TANC2: variants seen among roughly 807,000 people sequenced by gnomAD.
The protein encoded by TANC2 is tetratricopeptide repeat, ankyrin repeat and coiled-coil containing 2.
A neutral mutation model predicts 210.5 loss-of-function variants in TANC2; 26 were observed. The observed-to-expected ratio is 0.12, with a 90% confidence interval of 0.09 to 0.17. The LOEUF is 0.17. Among genes scored for constraint, TANC2 ranks in the 10% least tolerant of loss-of-function variants. TANC2 has a pLI of 1.00. For missense variants in TANC2, 2,129 were observed against 2,608.9 expected, an observed-to-expected ratio of 0.82 and a Z score of 4.01; for synonymous variants, 931 against 967.1, an observed-to-expected ratio of 0.96 and a Z score of 0.69.
chr17:63,172,315 GGGATTAC>G (rs2040431810), intron 5 of TANC2, among the ~76,000 whole-genome samples: 2 of 151,572 alleles, frequency 1.3e-5, no homozygotes, highest in African/African-American at 4.8e-5. Flanking sequence ...CTGAGTAGCT[GGGATTAC>G]AGGCGCCCGC....
chr17:63,339,154 T>C (rs1359065805), intron 11 of TANC2: 1 of 152,298 alleles, frequency 6.6e-6, no homozygotes, highest in Non-Finnish European at 1.5e-5. Context: ...AATGGCAGCA[T>C]CAGCTGACAT....
rs143324896 is a variant in TANC2 at position 63,334,662 on chromosome 17, C to CGT, written c.1576-5439_1576-5438insGT. The stretch of plus-strand genomic sequence containing the variant: ...GAAACAGGATTTGCATAGCCTCAAA[C>CGT]ATCTCCCTTAAGATATTTATTAACT... On this transcript the variant is annotated intron_variant, in intron 11 of 27. Transcript: ENST00000689528. Among the ~76,000 whole-genome samples the CGT allele has an allele frequency of 8.2e-3, 1,253 of 152,288 alleles. 13 individuals are homozygous for CGT. Among genetic ancestry groups the CGT allele is most frequent in the African/African-American group, 0.027 (1,136 of 41,568 alleles).
chr17:63,399,623 G>A (rs903924771), intron 19 of TANC2, among the ~76,000 whole-genome samples: 3 of 152,184 alleles, frequency 2.0e-5, no homozygotes. Context: ...CCAGGGCAAT[G>A]AAAACTGTAG....
At chr17:63,026,122 A>C (rs2034544883) in intron 2 of TANC2, among the ~76,000 whole-genome samples, 1 of 151,714 alleles carries the variant, frequency 6.6e-6, no homozygotes, top group South Asian at 2.1e-4. Context: ...TTGCCACCAG[A>C]TCTAAGACTC....
intron 17 of TANC2, among the ~76,000 whole-genome samples, chr17:63,395,483 T>G (rs1045459859): frequency 7.9e-5 from 12 of 152,138 alleles, no homozygotes; most frequent in African/African-American, 2.9e-4. Context: ...AGAGTTTTGG[T>G]TTTTGTTTTT....
intron 14 of TANC2, among the ~76,000 whole-genome samples, chr17:63,377,003 A>C (rs542071887): frequency 6.6e-6 from 1 of 152,158 alleles, no homozygotes; most frequent in East Asian, 1.9e-4. Context: ...ATTTTTACAA[A>C]ATGAGGCTTG....
At chr17:63,293,748 T>A (rs1388477042) in intron 9 of TANC2, among the ~76,000 whole-genome samples, 3 of 152,102 alleles carry the variant, frequency 2.0e-5, no homozygotes, top group African/African-American at 7.2e-5. Flanking sequence ...TTTTTTTGTT[T>A]TTGTTTTTTT....
intron 5 of TANC2, among the ~76,000 whole-genome samples, chr17:63,187,639 T>C (rs2145705537): frequency 6.6e-6 from 1 of 152,174 alleles, no homozygotes; most frequent in East Asian, 1.9e-4. Flanking sequence ...CTAAGTGTGA[T>C]GAAAACTATA....
chr17:63,371,515 T>C (rs2147021694), intron 14 of TANC2, among the ~76,000 whole-genome samples: 1 of 151,916 alleles, frequency 6.6e-6, no homozygotes, highest in East Asian at 1.9e-4. Context: ...CTCTGAAGCA[T>C]TAGAAGGTTG....
chr17:63,234,937 G>T (rs1518775), intron 7 of TANC2, among the ~76,000 whole-genome samples: 90,839 of 151,858 alleles, frequency 0.6, 29,676 homozygotes, highest in African/African-American at 0.86. Context: ...TGTATCTCAT[G>T]GTACAATTTA....
intron 12 of TANC2, among the ~76,000 whole-genome samples, chr17:63,349,303 G>A (rs2046520028): frequency 1.3e-5 from 2 of 152,154 alleles, no homozygotes; most frequent in African/African-American, 2.4e-5. Flanking sequence ...TCATTAAAAT[G>A]TCTGGACCAT....
chr17:62,970,385 T>TA (rs1322024438), intron 1 of TANC2, among the ~76,000 whole-genome samples: 1 of 152,238 alleles, frequency 6.6e-6, no homozygotes, highest in Non-Finnish European at 1.5e-5. Flanking sequence ...TTGTAAAACT[T>TA]AATTTGGTTT....
intron 1 of TANC2, among the ~76,000 whole-genome samples, chr17:63,004,503 A>G (rs1436954110): frequency 6.6e-6 from 1 of 151,944 alleles, no homozygotes; most frequent in Admixed American, 6.6e-5. Flanking sequence ...TCCTTACATC[A>G]ATCCAGCTTT....
At chr17:63,056,615 G>C (rs750612593) in intron 2 of TANC2, among the ~76,000 whole-genome samples, 1 of 152,170 alleles carries the variant, frequency 6.6e-6, no homozygotes, top group Non-Finnish European at 1.5e-5. Context: ...GGAGGTGGAG[G>C]TTGCAGTGAG....
In TANC2 at chr17:63,169,714, T is replaced by C. The variant is rs375731632; in HGVS notation, c.433+18334T>C. ...CTGTAATCCCAGCTACTTGGGAGGC[T>C]GAGGCAGGAGAATCACTTGAACCCG... is the stretch of plus-strand genomic sequence containing the variant. On this transcript the variant is annotated intron_variant, in intron 5 of 27. Transcript: ENST00000689528. 2.6e-5 allele frequency among the ~76,000 whole-genome samples: 4 copies of C among 152,200 alleles called. No individual in the cohort carries two copies. The South Asian group carries it at 6.2e-4, about 24-fold the overall frequency.
chr17:63,244,113 C>G (rs956191197), intron 8 of TANC2, among the ~76,000 whole-genome samples: 2 of 152,160 alleles, frequency 1.3e-5, no homozygotes, highest in Admixed American at 1.3e-4. Flanking sequence ...TCTGGTGGAG[C>G]TTTCCTAGGT....
intron 14 of TANC2, among the ~76,000 whole-genome samples, chr17:63,358,376 A>ATGTGTGTGTGTGTGT (rs1555641222): frequency 9.9e-5 from 8 of 81,042 alleles, no homozygotes; most frequent in African/African-American, 2.9e-4. Flanking sequence ...AGAGAGAGAG[A>ATGTGTGTGTGTGTGT]GTATGTGTGT....
intron 24 of TANC2, 115 bp from the exon 25 acceptor site, chr17:63,413,428 G>T (rs1198221008): frequency 1.4e-5 from 10 of 705,730 alleles, no homozygotes; most frequent in Non-Finnish European, 2.3e-5. Flanking sequence ...GGTACTAATT[G>T]TGGAGCAAGT....
chr17:63,260,208 T>C (rs2043316077), intron 8 of TANC2, among the ~76,000 whole-genome samples: 1 of 152,228 alleles, frequency 6.6e-6, no homozygotes, highest in Non-Finnish European at 1.5e-5. Context: ...TGCCAGTGAC[T>C]GAATCACTTT....
Sources: allele counts gnomAD v4.1 joint callset (sites outside exome capture counted in the v4.1 genomes callset), GRCh38; gene constraint gnomAD v4.1.1; transcripts MANE v1.5; gene names NCBI Gene and HGNC (gene_info 2026-07-23, HGNC 2026-07-21).